The following CDH9 variants were observed in gnomAD, a reference collection of about 807,000 sequenced individuals.
CDH9 encodes cadherin 9, also known as cadherin-9.
Under a neutral mutation model 70.9 loss-of-function variants are expected in CDH9, and 28 were observed. That is an observed-to-expected ratio of 0.40 (90% CI 0.29 to 0.54). The LOEUF (loss-of-function observed/expected upper bound fraction) is 0.54, where lower values mean the gene tolerates loss of function less well. Ranked by LOEUF, CDH9 falls within the 20% of genes least tolerant of loss-of-function variation. The probability of loss-of-function intolerance (pLI) is 0.59; values close to 1 mark genes in which losing one functional copy is unlikely to be tolerated. For missense variants in CDH9, 874 were observed against 984.4 expected (o/e 0.89, Z 1.50); for synonymous variants, 409 against 343.1 (o/e 1.19, Z -2.12).
intron 2 of CDH9, among the ~76,000 whole-genome samples, chr5:26,923,110 C>T (rs945495510): frequency 2.7e-4 from 28 of 103,072 alleles, no homozygotes; most frequent in South Asian, 9.6e-4. Flanking sequence ...CAAGACCCAA[C>T]AATCTGGTTG....
chr5:26,937,920 G>T (rs1352387939), intron 2 of CDH9, among the ~76,000 whole-genome samples: 1 of 151,948 alleles, frequency 6.6e-6, no homozygotes, highest in Non-Finnish European at 1.5e-5. Flanking sequence ...TATCCATTTG[G>T]GAAAACCCAT....
chr5:26,981,401 A>G (rs1044627741), intron 2 of CDH9, among the ~76,000 whole-genome samples: 5 of 152,102 alleles, frequency 3.3e-5, no homozygotes, highest in African/African-American at 9.7e-5. Flanking sequence ...GTTATACTAT[A>G]TTGTTTAGGG....
At chr5:27,001,524 C>G (rs1453214258) in intron 1 of CDH9, among the ~76,000 whole-genome samples, 1 of 151,984 alleles carries the variant, frequency 6.6e-6, no homozygotes, top group African/African-American at 2.4e-5. Context: ...GAGCTGAAGA[C>G]ACCAATGTAA....
At chr5:26,916,395 TAC>T (rs1415582672) in intron 2 of CDH9, among the ~76,000 whole-genome samples, 1 of 151,970 alleles carries the variant, frequency 6.6e-6, no homozygotes, top group Admixed American at 6.6e-5. Context: ...TCTCCTTCAG[TAC>T]AGAGTATCCC....
rs549018695 is a variant in CDH9, at chr5:26,979,804, T to C, written c.228+8302A>G. Among the ~76,000 whole-genome samples, 3 of 151,972 alleles carry C rather than the reference T, an allele frequency of 2.0e-5. No homozygotes were observed. In the East Asian group the frequency reaches 5.8e-4, roughly 29 times the overall value. Reference sequence around the variant, plus strand: ...TGGTATTATCACAGGTAAAGGTTGGTATTCATAATGATGAAATATTTAATC... The same window carrying C: ...TGGTATTATCACAGGTAAAGGTTGGCATTCATAATGATGAAATATTTAATC... On this transcript the variant is annotated intron_variant, in intron 2 of 11. Transcript: ENST00000231021.
In CDH9 at chr5:26,906,848, A is replaced by T. The variant is rs1561190613; in HGVS notation, c.524-10T>A. 1 of 1,588,548 alleles carries T rather than the reference A, an allele frequency of 6.3e-7. No homozygotes were observed. The highest frequency in any genetic ancestry group is 1.7e-5 in the Admixed American group (1 of 58,440). On this transcript the variant is annotated splice_polypyrimidine_tract_variant and intron_variant, in intron 3 of 11. Coordinates refer to ENST00000231021, the MANE Select transcript of CDH9 (RefSeq NM_016279.4). ...TGTATAACAGATGTACCTACATGAA[A>T]CCCCCATCCCCAAACAGAGACATTT...
At chr5:27,000,558 A>T (rs1200567857) in intron 1 of CDH9, among the ~76,000 whole-genome samples, 2 of 152,128 alleles carry the variant, frequency 1.3e-5, no homozygotes, top group African/African-American at 4.8e-5. Flanking sequence ...AGTTGGAACA[A>T]CTTCAGCCAC....
chr5:26,900,024 A>G (rs1295745461), intron 7 of CDH9, among the ~76,000 whole-genome samples: 1 of 152,074 alleles, frequency 6.6e-6, no homozygotes. Flanking sequence ...ATCACTACAG[A>G]TATCAAAGGA....
chr5:26,954,388 C>CTTTTTTTTTTTTTTTTTTTTTTTTTT lies in CDH9; in HGVS notation c.228+33717_228+33718insAAAAAAAAAAAAAAAAAAAAAAAAAA, dbSNP rs59882843. Among the ~76,000 whole-genome samples, 115 of 93,050 alleles carry CTTTTTTTTTTTTTTTTTTTTTTTTTT rather than the reference C, an allele frequency of 1.2e-3. 15 individuals are homozygous for CTTTTTTTTTTTTTTTTTTTTTTTTTT. The highest frequency in any genetic ancestry group is 1.6e-3 in the African/African-American group (35 of 21,266). 61.0% of individuals were successfully genotyped at this position (93,050 alleles called of 152,430 possible). ...AGCTTTTCGCTATTATACAGCCTTT[C>CTTTTTTTTTTTTTTTTTTTTTTTTTT]TTTTTTTTTTTTTTGAGACATAGTC... On this transcript the variant is annotated intron_variant, in intron 2 of 11. Transcript: ENST00000231021.
intron 7 of CDH9, 104 bp from the exon 8 acceptor site, chr5:26,890,668 GA>G (rs1334657187): frequency 1.3e-6 from 1 of 778,108 alleles, no homozygotes; most frequent in Non-Finnish European, 2.1e-6. Flanking sequence ...ACAAAGACAT[GA>G]AATGCAAAAT....
chr5:26,888,063 G>A (rs1469929483), intron 9 of CDH9, among the ~76,000 whole-genome samples: 3 of 151,960 alleles, frequency 2.0e-5, no homozygotes, highest in Non-Finnish European at 2.9e-5. Flanking sequence ...TAATACAGCT[G>A]TAAATTATTT....
At chr5:26,993,028 G>A (rs1742606420) in intron 1 of CDH9, among the ~76,000 whole-genome samples, 4 of 151,272 alleles carry the variant, frequency 2.6e-5, no homozygotes, top group Non-Finnish European at 2.9e-5. Context: ...CCCGGGAGGC[G>A]GAAGTTGCAG....
At chr5:26,922,569 A>G (rs961081585) in intron 2 of CDH9, among the ~76,000 whole-genome samples, 2 of 152,056 alleles carry the variant, frequency 1.3e-5, no homozygotes, top group African/African-American at 4.8e-5. Flanking sequence ...TCAACACCAG[A>G]CCTGACCTAC....
chr5:26,961,015 T>C lies in CDH9; in HGVS notation c.228+27091A>G, dbSNP rs566386682. On this transcript the variant is annotated intron_variant, in intron 2 of 11. Transcript: ENST00000231021. ...TAACTTGATTTCAATGGCTGGAAAG[T>C]AGAGTCCTTCCTCTCTTCTTGCTCC... Among the ~76,000 whole-genome samples the C allele has an allele frequency of 2.0e-5, 3 of 149,332 alleles. No homozygotes were observed. The East Asian group carries it at 5.9e-4, about 29-fold the overall frequency.
At chr5:26,976,055 TTAG>T (rs1184670400) in intron 2 of CDH9, among the ~76,000 whole-genome samples, 1 of 152,152 alleles carries the variant, frequency 6.6e-6, no homozygotes, top group Admixed American at 6.5e-5. Flanking sequence ...TCCAAGTCAC[TTAG>T]TAGAAAATGT....
intron 2 of CDH9, among the ~76,000 whole-genome samples, chr5:26,923,437 G>T (rs1741281969): frequency 6.6e-6 from 1 of 151,808 alleles, no homozygotes; most frequent in Admixed American, 6.6e-5. Flanking sequence ...AACATTATTA[G>T]AGCTAAAGGG....
In CDH9 at chr5:26,977,077, C is replaced by T. The variant is rs1579489196; in HGVS notation, c.228+11029G>A. Among the ~76,000 whole-genome samples, 3 of 151,738 alleles carry T rather than the reference C, an allele frequency of 2.0e-5. No individual in the cohort carries two copies. The South Asian group carries it at 6.3e-4, about 32-fold the overall frequency. On this transcript the variant is annotated intron_variant, in intron 2 of 11. Coordinates refer to ENST00000231021, the MANE Select transcript of CDH9 (RefSeq NM_016279.4). Reference sequence around the variant, plus strand: ...TAATTTTAACAATAGAATTATATTCCACATTAGAAGAAACAGTCCATCTTC... The same window carrying T: ...TAATTTTAACAATAGAATTATATTCTACATTAGAAGAAACAGTCCATCTTC...
intron 2 of CDH9, among the ~76,000 whole-genome samples, chr5:26,940,090 G>A (rs1436991845): frequency 6.6e-6 from 1 of 151,412 alleles, no homozygotes; most frequent in African/African-American, 2.4e-5. Context: ...GAGAACCCAG[G>A]AGGCAGAGGT....
chr5:26,962,630 C>A (rs972939125), intron 2 of CDH9, among the ~76,000 whole-genome samples: 2 of 151,986 alleles, frequency 1.3e-5, no homozygotes, highest in African/African-American at 4.8e-5. Flanking sequence ...TTTTGAGAAG[C>A]GTCTGTTGAA....
Sources: allele counts gnomAD v4.1 joint callset (sites outside exome capture counted in the v4.1 genomes callset), GRCh38; gene constraint gnomAD v4.1.1; transcripts MANE v1.5; gene names NCBI Gene and HGNC (gene_info 2026-07-23, HGNC 2026-07-21).